Variants in CHIC2 observed in about 807,000 individuals in gnomAD.
The protein encoded by CHIC2 is cysteine rich hydrophobic domain 2, also known as cysteine-rich hydrophobic domain-containing protein 2.
In CHIC2, 14 loss-of-function variants were observed where a neutral mutation model predicts 25.9. The observed-to-expected ratio is 0.54, with a 90% CI of 0.36 to 0.85. The LOEUF is 0.85. Ranked by LOEUF, CHIC2 falls within the 40% of genes least tolerant of loss-of-function variation. The pLI, the probability that CHIC2 is intolerant of heterozygous loss-of-function variation, is 0.01. For synonymous variants in CHIC2, 70 were observed against 72.0 expected (o/e 0.97, Z 0.14); for missense variants, 146 against 202.0 (o/e 0.72, Z 1.68).
chr4:54,020,802 C>T (rs903154915), intron 3 of CHIC2, among the ~76,000 whole-genome samples: 10 of 152,190 alleles, frequency 6.6e-5, no homozygotes, highest in African/African-American at 2.2e-4. Context: ...GTCACAGACT[C>T]GGGAAGACAG....
chr4:54,081,363 A>G, the CHIC2 span, among the ~76,000 whole-genome samples: 5 of 151,974 alleles, frequency 3.3e-5, no homozygotes, highest in African/African-American at 1.2e-4. Flanking sequence ...CTTTATTGTG[A>G]TAGTTAAATG....
At chr4:54,029,875 ATTTC>A (rs1560386284) in intron 3 of CHIC2, among the ~76,000 whole-genome samples, 1 of 152,180 alleles carries the variant, frequency 6.6e-6, no homozygotes, top group Non-Finnish European at 1.5e-5. Context: ...TTTCCTTTGA[ATTTC>A]TTTAAGTCTT....
the CHIC2 span, among the ~76,000 whole-genome samples, chr4:54,075,670 C>T: frequency 6.6e-6 from 1 of 152,192 alleles, no homozygotes; most frequent in Non-Finnish European, 1.5e-5. Flanking sequence ...TCTCGTGCCT[C>T]AGCCTCCTGA....
Position 54,049,236 on chromosome 4 carries a change from A to T in CHIC2, c.174+15T>A. ...ATTTTGAGGCATACAAATAGTACAT[A>T]AATGAGACACTCACTTTTCCAGTTA... On this transcript the variant is annotated intron_variant, in intron 2 of 5. Coordinates refer to ENST00000263921, the MANE Select transcript of CHIC2 (RefSeq NM_012110.4). 6.3e-7 allele frequency: 1 copy of T among 1,598,972 alleles called. No individual in the cohort carries two copies. The highest frequency in any genetic ancestry group is 8.5e-7 in the Non-Finnish European group (1 of 1,170,262).
Position 54,064,296 on chromosome 4 carries a change from G to C in CHIC2, c.5C>G (p.Ala2Gly). M[A>G]DFDEIYEEEE... is the part of the protein sequence containing the mutation. ...TTCCTCATAGATTTCGTCGAAATCC[G>C]CCATCCTGAGCCTCCGAGCTCCCCT... Residue 2 changes from alanine to glycine, a missense_variant, in exon 1 of 6, where the codon GCG becomes GGG. By Grantham distance (60) the Ala-to-Gly change is moderately conservative. Transcript: ENST00000263921. The surrounding 1 kb of genome is among the most constrained non-coding windows in gnomAD (Gnocchi z 4.2). 1 of 1,613,092 alleles carries C rather than the reference G, an allele frequency of 6.2e-7. No homozygotes were observed. Among genetic ancestry groups the C allele is most frequent in the Non-Finnish European group, 8.5e-7 (1 of 1,179,550 alleles).
chr4:54,089,414 T>C, the CHIC2 span, among the ~76,000 whole-genome samples: 113 of 117,876 alleles, frequency 9.6e-4, 1 homozygote, highest in South Asian at 4.9e-3. Flanking sequence ...TATATATATA[T>C]ACACACACAT....
At chr4:54,089,392 C>CATAT in the CHIC2 span, among the ~76,000 whole-genome samples, 613 of 145,186 alleles carry the variant, frequency 4.2e-3, 3 homozygotes, top group South Asian at 0.011. Context: ...CACCACATTC[C>CATAT]ATATATATAT....
intron 3 of CHIC2, among the ~76,000 whole-genome samples, chr4:54,022,636 C>G (rs1266202995): frequency 3.3e-5 from 5 of 152,094 alleles, no homozygotes; most frequent in African/African-American, 1.2e-4. Context: ...CATTGCCACC[C>G]TTCTTCCCAA....
chr4:54,044,011 C>T (rs1367275393), intron 3 of CHIC2, among the ~76,000 whole-genome samples: 7 of 152,006 alleles, frequency 4.6e-5, no homozygotes, highest in African/African-American at 1.5e-4. Flanking sequence ...ATCCTAGTCT[C>T]GGATAAAACA....
At chr4:54,070,410 GTATTTA>G in the CHIC2 span, among the ~76,000 whole-genome samples, 2 of 77,834 alleles carry the variant, frequency 2.6e-5, no homozygotes, top group Non-Finnish European at 7.9e-5. Context: ...ATTTATTTAT[GTATTTA>G]TGTATTTATT....
At chr4:54,084,981 A>AAAAAAAAAAAAAAAAAACAAAC in the CHIC2 span, among the ~76,000 whole-genome samples, 1 of 145,286 alleles carries the variant, frequency 6.9e-6, no homozygotes, top group Non-Finnish European at 1.5e-5. Context: ...AAAAAAAAAA[A>AAAAAAAAAAAAAAAAAACAAAC]TCAAACAGGT....
At chr4:54,084,094 C>T in the CHIC2 span, among the ~76,000 whole-genome samples, 3 of 152,170 alleles carry the variant, frequency 2.0e-5, no homozygotes, top group African/African-American at 7.2e-5. Context: ...ATCTCTCCTC[C>T]ATGGTTCCAC....
chr4:54,058,559 TACACACACAC>T (rs36034143), intron 1 of CHIC2, among the ~76,000 whole-genome samples: 24 of 138,578 alleles, frequency 1.7e-4, no homozygotes, highest in African/African-American at 4.7e-4. Context: ...TACACACACA[TACACACACAC>T]ACACACACAC....
rs1320618279 is a variant in CHIC2, at chr4:54,010,009, ATGT to A, written c.*83_*85del. On this transcript the variant is annotated 3_prime_UTR_variant, in exon 6 of 6. Transcript: ENST00000263921. ...AACACCACACGATTCTGTAGAACCA[ATGT>A]TATGTCACCACCAGGAGAGCACCAA... 2 of 868,354 alleles carry A rather than the reference ATGT, an allele frequency of 2.3e-6. No homozygotes were observed. The highest frequency in any genetic ancestry group is 5.1e-5 in the East Asian group (2 of 38,978). The allele number at this position is 868,354 out of a possible 1,614,324, so 53.8% of individuals were successfully genotyped here.
intron 3 of CHIC2, among the ~76,000 whole-genome samples, chr4:54,020,472 AGTTT>A (rs773125957): frequency 2.0e-5 from 3 of 152,086 alleles, no homozygotes; most frequent in African/African-American, 4.8e-5. Context: ...GCTCACACAA[AGTTT>A]GTTTGGTGGT....
At chr4:54,073,063 G>A in the CHIC2 span, among the ~76,000 whole-genome samples, 6 of 150,720 alleles carry the variant, frequency 4.0e-5, no homozygotes, top group South Asian at 8.4e-4. Flanking sequence ...GCGAGACTCC[G>A]TCTAAAAAAA....
chr4:54,080,520 C>T, the CHIC2 span, among the ~76,000 whole-genome samples: 49 of 151,836 alleles, frequency 3.2e-4, no homozygotes, highest in East Asian at 9.4e-3. Flanking sequence ...AATCCCAGCA[C>T]TTTGGAAGGC....
At chr4:54,040,566 T>C (rs910467664) in intron 3 of CHIC2, among the ~76,000 whole-genome samples, 3 of 151,884 alleles carry the variant, frequency 2.0e-5, no homozygotes, top group Non-Finnish European at 2.9e-5. Flanking sequence ...CTGGGCATAG[T>C]GTCAGGAGCC....
chr4:54,049,285 A>T lies in CHIC2; in HGVS notation c.140T>A (p.Phe47Tyr). The T allele has an allele frequency of 6.2e-7, 1 of 1,603,574 alleles. No homozygotes were observed. The highest frequency in any genetic ancestry group is 1.1e-5 in the South Asian group (1 of 89,396). Residue 47 changes from phenylalanine to tyrosine, a missense_variant, in exon 2 of 6, where the codon TTT becomes TAT. Transcript: ENST00000263921. ...HVTVFGLSNK[F>Y]ESEFPSSLTG... Reference sequence around the variant, plus strand: ...TAATGAAGAAGGGAATTCAGATTCAAATTTGTTGCTCAGTCCAAATCTATT... The same window carrying T: ...TAATGAAGAAGGGAATTCAGATTCATATTTGTTGCTCAGTCCAAATCTATT...
Sources: allele counts gnomAD v4.1 joint callset (sites outside exome capture counted in the v4.1 genomes callset), GRCh38; gene constraint gnomAD v4.1.1; non-coding constraint Gnocchi (gnomAD v3.1); transcripts MANE v1.5; gene names NCBI Gene and HGNC (gene_info 2026-07-23, HGNC 2026-07-21).